The following ADGRB2 variants were observed in gnomAD, a reference collection of about 807,000 sequenced individuals.
ADGRB2 encodes the protein adhesion G protein-coupled receptor B2, also known as brain-specific angiogenesis inhibitor 2.
In ADGRB2, 47 loss-of-function variants were observed where a neutral mutation model predicts 178.7. The observed-to-expected ratio is 0.26, with a 90% CI of 0.21 to 0.34. The LOEUF is 0.34. Among genes scored for constraint, ADGRB2 ranks in the 10% least tolerant of loss-of-function variants. ADGRB2 has a pLI of 1.00. For synonymous variants in ADGRB2, 870 were observed against 912.4 expected, an observed-to-expected ratio of 0.95 and a Z score of 0.84; for missense variants, 1,584 against 2,180.8, an observed-to-expected ratio of 0.73 and a Z score of 5.45.
rs528999962 is a variant in ADGRB2 at position 31,733,497 on chromosome 1, C to T, written c.3453-354G>A. 8.5e-4 allele frequency among the ~76,000 whole-genome samples: 129 copies of T among 152,256 alleles called. No individual in the cohort carries two copies. The highest frequency in any genetic ancestry group is 2.1e-4 in the Non-Finnish European group (14 of 68,020). On this transcript the variant is annotated intron_variant, in intron 25 of 32. Transcript: ENST00000373658. The surrounding 1 kb of genome is among the most constrained non-coding windows in gnomAD (Gnocchi z 4.3). ...GGAGCTTTTTAAAAATGCACGGGGC[C>T]GGGACGGCATCCCCAGAGCCTAACT...
chr1:31,737,630 A>C, intron 19 of ADGRB2, 22 bp downstream of exon 19: 1 of 1,613,152 alleles, frequency 6.2e-7, no homozygotes, highest in Non-Finnish European at 8.5e-7. Context: ...CCCCAGCCAC[A>C]AGAGCCAGGT....
chr1:31,728,778 T>A lies in ADGRB2; in HGVS notation c.4381-145A>T, dbSNP rs563067898. The A allele has an allele frequency of 4.6e-5, 33 of 719,650 alleles. No individual in the cohort carries two copies. The highest frequency in any genetic ancestry group is 7.0e-5 in the Non-Finnish European group (30 of 428,258). The allele number at this position is 719,650 out of a possible 1,614,324, so 44.6% of individuals were successfully genotyped here. On this transcript the variant is annotated intron_variant, in intron 29 of 32. Transcript: ENST00000373658. The surrounding 1 kb of genome is among the most constrained non-coding windows in gnomAD (Gnocchi z 6.7). ...CAGGCCCAGAAGTTGCGGACCTTCA[T>A]GGGGCAGCTTTTCAGGCCTCACTGA...
Position 31,741,635 on chromosome 1 carries a change from G to A in ADGRB2, c.1676C>T (p.Pro559Leu), listed in dbSNP as rs771395427. ...AGEIIYNKCP[P>L]NASGSASRRC... ...CACCTGCCCCTTACCTGAGGCATTC[G>A]GGGGGCACTTGTTGTAGATGATCTC... Residue 559 changes from proline (P) to leucine (L), a missense_variant, in exon 10 of 33, where the codon CCG (proline) becomes CTG (leucine). Transcript: ENST00000373658. The surrounding 1 kb of genome is among the most constrained non-coding windows in gnomAD (Gnocchi z 6.5). The A allele has an allele frequency of 1.4e-5, 22 of 1,613,676 alleles. No homozygotes were observed. The highest frequency in any genetic ancestry group is 1.9e-5 in the Non-Finnish European group (22 of 1,179,872).
chr1:31,731,049 C>T lies in ADGRB2; in HGVS notation c.4131G>A (p.Arg1377=). The change falls in exon 29 of 33, where the codon CGG becomes CGA. Residue 1377 remains arginine, a synonymous_variant. Coordinates refer to ENST00000373658, the MANE Select transcript of ADGRB2 (RefSeq NM_001364857.2). ...CAGCTCGCCGGGGGGTCCCCTCCGG[C>T]CGGGCCCTGGGGGCATCCTCACCAC... The part of the protein sequence containing the change: ...GGGGEDAPRA[R]PEGTPRRAAK... The T allele has an allele frequency of 6.3e-7, 1 of 1,584,248 alleles. No individual in the cohort carries two copies. The highest frequency in any genetic ancestry group is 1.1e-5 in the South Asian group (1 of 87,886).
intron 29 of ADGRB2, among the ~76,000 whole-genome samples, chr1:31,730,287 G>T (rs926074177): frequency 6.6e-6 from 1 of 152,188 alleles, no homozygotes; most frequent in Non-Finnish European, 1.5e-5. Flanking sequence ...GATTTCAGGG[G>T]TGCTAACAGC....
Position 31,756,908 on chromosome 1 carries a change from T to G in ADGRB2, c.22-93A>C, listed in dbSNP as rs758885407. 55 of 1,299,404 alleles carry G rather than the reference T, an allele frequency of 4.2e-5. No homozygotes were observed. Among genetic ancestry groups the G allele is most frequent in the Non-Finnish European group, 5.4e-5 (52 of 963,876 alleles). 80.5% of individuals were successfully genotyped at this position (1,299,404 alleles called of 1,614,324 possible). A position where few individuals can be genotyped will look rare whatever the true frequency, so the allele number is the denominator to read the frequency against. On this transcript the variant is annotated intron_variant, in intron 3 of 32. Coordinates refer to ENST00000373658, the MANE Select transcript of ADGRB2 (RefSeq NM_001364857.2). The surrounding 1 kb of genome is among the most constrained non-coding windows in gnomAD (Gnocchi z 8.5). ...GAGCTGCGGGAGTGGGCCTCATAAGTTAAGACCCTGGTCTTTGAAGTGTCA... is the reference window on the plus strand; with the variant it reads ...GAGCTGCGGGAGTGGGCCTCATAAGGTAAGACCCTGGTCTTTGAAGTGTCA...
rs1003899202 is a variant in ADGRB2 at position 31,754,484 on chromosome 1, C to T, written c.838+1515G>A. 2.0e-5 allele frequency among the ~76,000 whole-genome samples: 3 copies of T among 152,272 alleles called. No homozygotes were observed. Among genetic ancestry groups the T allele is most frequent in the South Asian group, 2.1e-4 (1 of 4,834 alleles). The stretch of plus-strand genomic sequence containing the variant: ...CTGATATACGCCTGGCGTTCTCCGC[C>T]GATGTTCAACAAAGAAGCAAAATTC... On this transcript the variant is annotated intron_variant, in intron 4 of 32. Coordinates refer to ENST00000373658, the MANE Select transcript of ADGRB2 (RefSeq NM_001364857.2). This position sits in a 1 kb window ranked among gnomAD's most constrained non-coding sequence, Gnocchi z 5.7.
At chr1:31,763,327 G>C (rs559047560) in intron 1 of ADGRB2, among the ~76,000 whole-genome samples, 2 of 150,806 alleles carry the variant, frequency 1.3e-5, no homozygotes, top group African/African-American at 4.9e-5. Context: ...GGCAGAAATA[G>C]AGAAGAAGCA....
intron 4 of ADGRB2, among the ~76,000 whole-genome samples, chr1:31,751,543 CCTCT>C (rs771141956): frequency 6.6e-6 from 1 of 152,302 alleles, no homozygotes; most frequent in Middle Eastern, 3.4e-3. Flanking sequence ...TGTGCTAATT[CCTCT>C]CTCTAACAAA....
At position 31,735,106 on chromosome 1, in the gene ADGRB2, C is replaced by G; in HGVS notation, c.3452+77G>C. ...GCACTGGGCTGATATCCCTCCTCCT[C>G]CCCCCACCATGGGCACTGCCCCCCC... On this transcript the variant is annotated intron_variant, in intron 25 of 32. Coordinates refer to ENST00000373658, the MANE Select transcript of ADGRB2 (RefSeq NM_001364857.2). This position sits in a 1 kb window ranked among gnomAD's most constrained non-coding sequence, Gnocchi z 6.0. 35 of 972,456 alleles carry G rather than the reference C, an allele frequency of 3.6e-5. No homozygotes were observed. The highest frequency in any genetic ancestry group is 4.9e-5 in the Non-Finnish European group (34 of 689,690). 60.2% of individuals were successfully genotyped at this position (972,456 alleles called of 1,614,324 possible).
Position 31,728,307 on chromosome 1 carries a change from C to A in ADGRB2, c.4417-27G>T. 3 of 1,606,892 alleles carry A rather than the reference C, an allele frequency of 1.9e-6. No individual in the cohort carries two copies. In the South Asian group the frequency reaches 3.3e-5, roughly 18 times the overall value. On this transcript the variant is annotated intron_variant, in intron 30 of 32. Coordinates refer to ENST00000373658, the MANE Select transcript of ADGRB2 (RefSeq NM_001364857.2). The surrounding 1 kb of genome is among the most constrained non-coding windows in gnomAD (Gnocchi z 6.7). ...TAGGGGCCACAGGGCATCAGAGGGT[C>A]GCTCCCCGGGGCAGCACCATGATCC...
rs1234549012 is a variant in ADGRB2 at position 31,738,835 on chromosome 1, G to A, written c.2598C>T (p.Ile866=). ...PLITVELSYI[I]NGTTDPHCAS... is the part of the protein sequence containing the mutation. ...CTCTGCATGGATCTCCACTCACATTGATGATGTAGGAGAGCTCCACAGTGA... is the reference window on the plus strand; with the variant it reads ...CTCTGCATGGATCTCCACTCACATTAATGATGTAGGAGAGCTCCACAGTGA... The change falls in exon 16 of 33, where the codon ATC becomes ATT. Residue 866 remains isoleucine, a synonymous_variant. Transcript: ENST00000373658. 1.2e-6 allele frequency: 2 copies of A among 1,613,876 alleles called. No homozygotes were observed. The highest frequency in any genetic ancestry group is 2.2e-5 in the East Asian group (1 of 44,896).
chr1:31,732,624 G>C lies in ADGRB2; in HGVS notation c.3625-12C>G. 1 of 1,613,322 alleles carries C rather than the reference G, an allele frequency of 6.2e-7. No homozygotes were observed. The highest frequency in any genetic ancestry group is 1.1e-5 in the South Asian group (1 of 90,982). ...ACCACATCCTGGACCTGGGGACAGA[G>C]GGCGCCTGCTGGGCCTGAGGCCACT... On this transcript the variant is annotated splice_polypyrimidine_tract_variant and intron_variant, in intron 26 of 32. Coordinates refer to ENST00000373658, the MANE Select transcript of ADGRB2 (RefSeq NM_001364857.2).
chr1:31,759,196 A>C lies in ADGRB2; in HGVS notation c.-190-1685T>G. The C allele has an allele frequency of 4.1e-6, 3 of 738,340 alleles. No individual in the cohort carries two copies. Among genetic ancestry groups the C allele is most frequent in the Non-Finnish European group, 7.6e-6 (3 of 393,288 alleles). 45.7% of individuals were successfully genotyped at this position (738,340 alleles called of 1,614,324 possible). ...TACATATGTACACGGACATGCACAC[A>C]GGTGAAACCCACAGATTCATGCTGT... On this transcript the variant is annotated intron_variant, in intron 1 of 32. Coordinates refer to ENST00000373658, the MANE Select transcript of ADGRB2 (RefSeq NM_001364857.2). The surrounding 1 kb of genome is among the most constrained non-coding windows in gnomAD (Gnocchi z 4.3).
At chr1:31,760,145 T>C (rs915547705) in intron 1 of ADGRB2, among the ~76,000 whole-genome samples, 4 of 152,194 alleles carry the variant, frequency 2.6e-5, no homozygotes, top group African/African-American at 9.6e-5. Flanking sequence ...CACAGACCCA[T>C]CCCTGCACAA....
At chr1:31,729,657 G>A (rs1480032816) in intron 29 of ADGRB2, among the ~76,000 whole-genome samples, 5 of 152,116 alleles carry the variant, frequency 3.3e-5, no homozygotes, top group African/African-American at 2.4e-5. Context: ...CTGTTCCTCC[G>A]CCCATCACGG....
chr1:31,732,714 A>T, intron 26 of ADGRB2, 102 bp from the exon 27 acceptor site: 1 of 1,358,196 alleles, frequency 7.4e-7, no homozygotes, highest in Non-Finnish European at 1.0e-6. Context: ...TGTAGAAGGA[A>T]GGCAACACAT....
Position 31,759,364 on chromosome 1 carries a change from G to A in ADGRB2, c.-190-1853C>T, listed in dbSNP as rs768454598. 1.3e-6 allele frequency: 1 copy of A among 779,688 alleles called. No individual in the cohort carries two copies. The highest frequency in any genetic ancestry group is 1.7e-5 in the African/African-American group (1 of 59,256). The allele number at this position is 779,688 out of a possible 1,614,324, so 48.3% of individuals were successfully genotyped here. A position where few individuals can be genotyped will look rare whatever the true frequency, so the allele number is the denominator to read the frequency against. ...GAGGCTCAGCATATGACAGCTAAGT[G>A]TCAGGCAGGATCCTCTGCGGGGTCT... On this transcript the variant is annotated intron_variant, in intron 1 of 32. Transcript: ENST00000373658. This position sits in a 1 kb window ranked among gnomAD's most constrained non-coding sequence, Gnocchi z 4.3.
rs960752128 is a variant in ADGRB2 at position 31,741,713 on chromosome 1, A to G, written c.1598T>C (p.Met533Thr). 1 of 1,613,234 alleles carries G rather than the reference A, an allele frequency of 6.2e-7. No individual in the cohort carries two copies. Among genetic ancestry groups the G allele is most frequent in the Non-Finnish European group, 8.5e-7 (1 of 1,179,360 alleles). The change falls in exon 10 of 33, where the codon ATG becomes ACG. Residue 533 changes from methionine to threonine, a missense_variant. Physicochemically the swap from Met to Thr is moderately conservative, Grantham distance 81. Around this residue, in one of 3 missense-constraint regions of ADGRB2, gnomAD observed 657 missense variants for 847.6 expected, o/e 0.78. Coordinates refer to ENST00000373658, the MANE Select transcript of ADGRB2 (RefSeq NM_001364857.2). This position sits in a 1 kb window ranked among gnomAD's most constrained non-coding sequence, Gnocchi z 6.5. ...SEKRCPAFHE[M>T]CRDEYVMLMT... ...CAGCATCACGTACTCATCCCTGCAC[A>G]TCTCATGGAAGGCTGTGGGTGCAGG...
Sources: gnomAD v4.1 joint callset for allele counts (sites outside exome capture counted in the v4.1 genomes callset) on GRCh38, gnomAD v4.1.1 for gene constraint, gnomAD v4.1.1 regional missense constraint, Gnocchi (gnomAD v3.1) non-coding constraint, MANE v1.5 for transcripts, NCBI Gene and HGNC (gene_info 2026-07-23, HGNC 2026-07-21) for gene names.